Variants in RBFOX3 observed in about 807,000 individuals in gnomAD.
RBFOX3 encodes RNA binding fox-1 homolog 3, also known as RNA binding protein fox-1 homolog 3.
RBFOX3 carries 17 observed loss-of-function variants against 48.7 expected under a neutral mutation model. The ratio of observed to expected loss-of-function variants is 0.35; its 90% CI spans 0.24 to 0.52. The LOEUF (loss-of-function observed/expected upper bound fraction) is 0.52. Among genes scored for constraint, RBFOX3 ranks in the 20% least tolerant of loss-of-function variants. The pLI, the probability that RBFOX3 is intolerant of heterozygous loss-of-function variation, is 0.94. For synonymous variants in RBFOX3, 212 were observed against 209.5 expected (o/e 1.01, Z -0.10); for missense variants, 382 against 497.5 (o/e 0.77, Z 2.21).
rs187986474 is a variant in RBFOX3, at chr17:79,293,672, C to T, written c.-74+14052G>A. Among the ~76,000 whole-genome samples, 4 of 152,178 alleles carry T rather than the reference C, an allele frequency of 2.6e-5. No individual in the cohort carries two copies. In the East Asian group the frequency reaches 5.8e-4, roughly 22 times the overall value. ...TTCACCATGTTGGCTGGGCTGGTCT[C>T]GAACTCCTGGCCTCAGGTGATCTGC... On this transcript the variant is annotated intron_variant, in intron 3 of 14. Transcript: ENST00000693108.
chr17:79,156,722 C>A (rs1046550733), intron 4 of RBFOX3, among the ~76,000 whole-genome samples: 7 of 152,320 alleles, frequency 4.6e-5, no homozygotes, highest in Middle Eastern at 3.4e-3. Context: ...GCTGTGTGGC[C>A]CGGAGAGACT....
intron 1 of RBFOX3, among the ~76,000 whole-genome samples, chr17:79,555,611 CGGT>C (rs1555794457): frequency 7.9e-4 from 1 of 1,260 alleles, no homozygotes. Flanking sequence ...GTGGTGATGG[CGGT>C]GGTGGTGGTA....
intron 4 of RBFOX3, among the ~76,000 whole-genome samples, chr17:79,117,405 C>T (rs1005646898): frequency 1.3e-5 from 2 of 152,212 alleles, no homozygotes; most frequent in African/African-American, 4.8e-5. Flanking sequence ...CGCCTCCACC[C>T]CACGCTCCCA....
chr17:79,170,128 A>AGGAGGAAGGAGGAAGGAAGGG (rs2048892180), intron 4 of RBFOX3, among the ~76,000 whole-genome samples: 2 of 135,698 alleles, frequency 1.5e-5, no homozygotes, highest in African/African-American at 6.5e-5. Flanking sequence ...GGAAGGAAGG[A>AGGAGGAAGGAGGAAGGAAGGG]AGGAGGAAGG....
intron 1 of RBFOX3, among the ~76,000 whole-genome samples, chr17:79,528,520 T>C (rs1399219820): frequency 1.3e-5 from 2 of 152,154 alleles, no homozygotes; most frequent in African/African-American, 4.8e-5. Context: ...TAATTGAACC[T>C]CTGAGTAACT....
intron 2 of RBFOX3, among the ~76,000 whole-genome samples, chr17:79,426,955 C>T (rs894419818): frequency 3.9e-5 from 6 of 152,106 alleles, no homozygotes; most frequent in East Asian, 1.9e-4. Flanking sequence ...CCACCCGCCT[C>T]GGCCTCCCAA....
chr17:79,175,094 ACT>A (rs2050248309), intron 4 of RBFOX3, among the ~76,000 whole-genome samples: 1 of 151,068 alleles, frequency 6.6e-6, no homozygotes, highest in Non-Finnish European at 1.5e-5. Context: ...CTTTAGTGAC[ACT>A]CTATCTCCCT....
chr17:79,628,620 C>G, the RBFOX3 span, among the ~76,000 whole-genome samples: 6 of 152,132 alleles, frequency 3.9e-5, no homozygotes, highest in African/African-American at 1.4e-4. Flanking sequence ...GGTGCATTCA[C>G]CATGTTTTGT....
chr17:79,135,496 C>A (rs2039985147), intron 4 of RBFOX3, among the ~76,000 whole-genome samples: 1 of 152,160 alleles, frequency 6.6e-6, no homozygotes, highest in South Asian at 2.1e-4. Flanking sequence ...TACAGGATGC[C>A]CCCTTCCCAA....
intron 12 of RBFOX3, 57 bp downstream of exon 12, chr17:79,096,596 C>T: frequency 6.9e-7 from 1 of 1,454,020 alleles, no homozygotes; most frequent in Non-Finnish European, 9.4e-7. Flanking sequence ...GCCGACTTCT[C>T]ATTGAGACCC....
At chr17:79,641,025 G>C in the RBFOX3 span, among the ~76,000 whole-genome samples, 1 of 152,146 alleles carries the variant, frequency 6.6e-6, no homozygotes, top group African/African-American at 2.4e-5. Context: ...GAAAGCTATA[G>C]AATGGGAGGA....
chr17:79,643,285 G>A, the RBFOX3 span, among the ~76,000 whole-genome samples: 1 of 152,014 alleles, frequency 6.6e-6, no homozygotes, highest in African/African-American at 2.4e-5. Context: ...AGCATAAAGG[G>A]CCTAAGAGAA....
chr17:79,155,895 C>T (rs988440184), intron 4 of RBFOX3, among the ~76,000 whole-genome samples: 9 of 152,198 alleles, frequency 5.9e-5, no homozygotes, highest in African/African-American at 1.9e-4. Flanking sequence ...CTGACTGCCA[C>T]GGGGCTCGGG....
the RBFOX3 span, among the ~76,000 whole-genome samples, chr17:79,619,460 GTC>G: frequency 2.6e-5 from 4 of 152,146 alleles, no homozygotes; most frequent in Non-Finnish European, 5.9e-5. Flanking sequence ...TTGTGGCTGC[GTC>G]TCTCTGACCT....
At chr17:79,569,612 C>G (rs1351006411) in intron 1 of RBFOX3, among the ~76,000 whole-genome samples, 1 of 152,210 alleles carries the variant, frequency 6.6e-6, no homozygotes, top group Non-Finnish European at 1.5e-5. Context: ...ATCTGCCAAC[C>G]TGCAGATTAA....
the RBFOX3 span, among the ~76,000 whole-genome samples, chr17:79,662,063 G>A: frequency 8.6e-6 from 1 of 116,654 alleles, no homozygotes; most frequent in African/African-American, 3.0e-5. Flanking sequence ...TACATCTTCT[G>A]TGTTATCTTC....
chr17:79,610,462 ACCACCG>A (rs1231724621), intron 1 of RBFOX3, among the ~76,000 whole-genome samples: 8 of 151,232 alleles, frequency 5.3e-5, no homozygotes, highest in South Asian at 2.1e-4. Flanking sequence ...CACAGCCACC[ACCACCG>A]CCACCGCCAC....
At chr17:79,347,300 C>G (rs2083073255) in intron 2 of RBFOX3, among the ~76,000 whole-genome samples, 1 of 152,190 alleles carries the variant, frequency 6.6e-6, no homozygotes, top group African/African-American at 2.4e-5. Flanking sequence ...TTAAATTTCA[C>G]TGTAAGTGTA....
At chr17:79,530,261 T>A (rs2087523004) in intron 1 of RBFOX3, among the ~76,000 whole-genome samples, 1 of 152,084 alleles carries the variant, frequency 6.6e-6, no homozygotes, top group East Asian at 1.9e-4. Flanking sequence ...TGCCCTGTTA[T>A]CAATTTAAAG....
Sources: allele counts gnomAD v4.1 joint callset (sites outside exome capture counted in the v4.1 genomes callset), GRCh38; gene constraint gnomAD v4.1.1; transcripts MANE v1.5; gene names NCBI Gene and HGNC (gene_info 2026-07-23, HGNC 2026-07-21).